The following DNAH6 variants were observed in gnomAD, a reference collection of about 807,000 sequenced individuals.
DNAH6 encodes the protein axonemal beta dynein heavy chain 6.
A neutral mutation model predicts 491.4 loss-of-function variants in DNAH6; 340 were observed. That is an observed-to-expected ratio of 0.69 (90% CI 0.63 to 0.76). DNAH6 has a LOEUF of 0.76. Ranked by LOEUF, DNAH6 falls within the 30% of genes least tolerant of loss-of-function variation. The pLI, the probability that DNAH6 is intolerant of heterozygous loss-of-function variation, is 0.00. For missense variants in DNAH6, 4,443 were observed against 4,972.2 expected, an observed-to-expected ratio of 0.89 and a Z score of 3.20; for synonymous variants, 1,603 against 1,686.1, an observed-to-expected ratio of 0.95 and a Z score of 1.21.
chr2:84,465,755 G>T, the DNAH6 span, among the ~76,000 whole-genome samples: 1 of 152,160 alleles, frequency 6.6e-6, no homozygotes, highest in African/African-American at 2.4e-5. Context: ...TTTCTTCTGA[G>T]TAGCAGTCAG....
chr2:84,658,877 C>T, intron 36 of DNAH6, 149 bp from the exon 37 acceptor site: 1 of 487,530 alleles, frequency 2.1e-6, no homozygotes, highest in Non-Finnish European at 3.5e-6. Flanking sequence ...ACTCTGTGAA[C>T]CATTGAGTGA....
intron 33 of DNAH6, among the ~76,000 whole-genome samples, chr2:84,645,113 C>T (rs539233244): frequency 2.8e-4 from 43 of 151,908 alleles, no homozygotes; most frequent in Admixed American, 4.6e-4. Context: ...TGTTTTTTTT[C>T]GACTTTTTAG....
chr2:84,670,408 A>T lies in DNAH6; in HGVS notation c.6387A>T (p.Gln2129His). The change falls in exon 39 of 77, where the codon CAA becomes CAT. Residue 2129 changes from glutamine to histidine, a missense_variant. This residue lies in a region of DNAH6 where 2,977 missense variants were observed against 3,296.6 expected (regional missense o/e 0.90). Transcript: ENST00000389394. ...YVPVYLNFSAQTSSARTQEII... is the reference protein window; with the variant it reads ...YVPVYLNFSAHTSSARTQEII... ...CTGTTTATCTAAATTTTTCTGCTCAAACTTCATCTGCAAGGACACAAGAGA... is the reference window on the plus strand; with the variant it reads ...CTGTTTATCTAAATTTTTCTGCTCATACTTCATCTGCAAGGACACAAGAGA... 1 of 1,547,938 alleles carries T rather than the reference A, an allele frequency of 6.5e-7. No individual in the cohort carries two copies. The highest frequency in any genetic ancestry group is 8.7e-7 in the Non-Finnish European group (1 of 1,144,828).
At chr2:84,810,220 C>T (rs1245766153) in intron 72 of DNAH6, among the ~76,000 whole-genome samples, 3 of 152,154 alleles carry the variant, frequency 2.0e-5, no homozygotes, top group Non-Finnish European at 2.9e-5. Flanking sequence ...GTAATTTCCC[C>T]CCTATGAGTA....
intron 20 of DNAH6, 88 bp downstream of exon 20, chr2:84,605,680 T>G: frequency 1.2e-6 from 1 of 838,640 alleles, no homozygotes; most frequent in Middle Eastern, 2.3e-4. Context: ...GATGAGGGAA[T>G]AAAACATGAG....
chr2:84,682,816 C>T (rs1373151092), intron 42 of DNAH6, among the ~76,000 whole-genome samples: 3 of 152,178 alleles, frequency 2.0e-5, no homozygotes, highest in Admixed American at 6.5e-5. Flanking sequence ...TCTGATTATC[C>T]GTTTACCCTG....
chr2:84,772,845 A>G (rs1675762890), intron 64 of DNAH6, among the ~76,000 whole-genome samples: 1 of 152,068 alleles, frequency 6.6e-6, no homozygotes, highest in South Asian at 2.1e-4. Context: ...CAGAATAAAC[A>G]TTCTTCTCAA....
intron 59 of DNAH6, among the ~76,000 whole-genome samples, chr2:84,719,897 CAG>C (rs1224321334): frequency 1.6e-3 from 230 of 139,858 alleles, no homozygotes; most frequent in African/African-American, 5.9e-3. Flanking sequence ...CACACACACA[CAG>C]ACACACACAC....
chr2:84,617,051 T>A, intron 23 of DNAH6, 69 bp downstream of exon 23: 1 of 846,416 alleles, frequency 1.2e-6, no homozygotes, highest in Non-Finnish European at 1.8e-6. Context: ...AGGTTATAAT[T>A]ATAACCTCAA....
At chr2:84,619,399 C>T (rs1239629661) in intron 23 of DNAH6, among the ~76,000 whole-genome samples, 1 of 152,188 alleles carries the variant, frequency 6.6e-6, no homozygotes, top group South Asian at 2.1e-4. Flanking sequence ...GATATGTGAA[C>T]ACATCAGTTT....
intron 62 of DNAH6, among the ~76,000 whole-genome samples, chr2:84,741,977 G>A (rs1370020877): frequency 6.6e-6 from 1 of 152,224 alleles, no homozygotes; most frequent in Admixed American, 6.5e-5. Flanking sequence ...TCCCAGCCCA[G>A]TCAGTTCCTG....
rs962325293 is a variant in DNAH6 at position 84,797,518 on chromosome 2, T to G, written c.11360-19T>G. The G allele has an allele frequency of 3.9e-6, 6 of 1,548,006 alleles. No homozygotes were observed. The highest frequency in any genetic ancestry group is 4.0e-5 in the Admixed American group (2 of 50,340). On this transcript the variant is annotated intron_variant, in intron 69 of 76. Coordinates refer to ENST00000389394, the MANE Select transcript of DNAH6 (RefSeq NM_001370.2). ...CAGTCTATTTGAGACATATTTGTCT[T>G]CTGTGTTTTTAATAACAGGCATCTA...
In DNAH6 at chr2:84,625,151, T is replaced by C. The variant is rs1687743635; in HGVS notation, c.4515+88T>C. ...ATGACATAACAAAATAAGGCAAGAA[T>C]GGAGTGATGACAAGCAAGAGAAAAG... On this transcript the variant is annotated intron_variant, in intron 29 of 76. Transcript: ENST00000389394. 3.3e-6 allele frequency: 4 copies of C among 1,213,076 alleles called. No homozygotes were observed. In the African/African-American group the frequency reaches 6.3e-5, roughly 19 times the overall value. 75.1% of individuals were successfully genotyped at this position (1,213,076 alleles called of 1,614,324 possible). A position where few individuals can be genotyped will look rare whatever the true frequency, so the allele number is the denominator to read the frequency against.
chr2:84,547,335 A>T lies in DNAH6; in HGVS notation c.998A>T (p.Tyr333Phe). The change falls in exon 6 of 77, where the codon TAT becomes TTT. Residue 333 changes from tyrosine (Y) to phenylalanine (F), a missense_variant. Physicochemically the swap from Tyr to Phe is conservative, Grantham distance 22. Coordinates refer to ENST00000389394, the MANE Select transcript of DNAH6 (RefSeq NM_001370.2). ...CATTTGAGTTTTATGGGACTTTGTTATATTGAAAAGTGTCACACCTACACC... is the reference window on the plus strand; with the variant it reads ...CATTTGAGTTTTATGGGACTTTGTTTTATTGAAAAGTGTCACACCTACACC... ...CYHLSFMGLC[Y>F]IEKCHTYTLQ... is the part of the protein sequence containing the mutation. 6.4e-7 allele frequency: 1 copy of T among 1,551,508 alleles called. No homozygotes were observed. Among genetic ancestry groups the T allele is most frequent in the Non-Finnish European group, 8.7e-7 (1 of 1,146,870 alleles).
chr2:84,578,438 A>C (rs1440419902), intron 13 of DNAH6, among the ~76,000 whole-genome samples: 15 of 152,164 alleles, frequency 9.9e-5, no homozygotes, highest in Non-Finnish European at 1.5e-5. Flanking sequence ...AGTTATTGGC[A>C]TATGTATCTA....
chr2:84,580,558 G>A (rs1371602561), intron 14 of DNAH6, among the ~76,000 whole-genome samples: 1 of 152,034 alleles, frequency 6.6e-6, no homozygotes, highest in Non-Finnish European at 1.5e-5. Flanking sequence ...TAAACTGAAT[G>A]TTATATATTA....
intron 44 of DNAH6, 135 bp from the exon 45 acceptor site, chr2:84,688,304 A>G: frequency 1.6e-6 from 1 of 621,974 alleles, no homozygotes; most frequent in South Asian, 3.0e-5. Context: ...CCTATTTCTG[A>G]GCTCCTATGT....
At chr2:84,770,955 A>G (rs1559021909) in intron 64 of DNAH6, among the ~76,000 whole-genome samples, 1 of 151,580 alleles carries the variant, frequency 6.6e-6, no homozygotes, top group Non-Finnish European at 1.5e-5. Flanking sequence ...ATGCCACTGC[A>G]CTGTAGCCTA....
intron 33 of DNAH6, among the ~76,000 whole-genome samples, chr2:84,643,649 A>G (rs1018573838): frequency 6.6e-6 from 1 of 152,120 alleles, no homozygotes; most frequent in Non-Finnish European, 1.5e-5. Flanking sequence ...TGTCCAATCT[A>G]CTAATAAGCC....
Sources: allele counts gnomAD v4.1 joint callset (sites outside exome capture counted in the v4.1 genomes callset), GRCh38; gene constraint gnomAD v4.1.1; regional missense constraint gnomAD v4.1.1; transcripts MANE v1.5; gene names NCBI Gene and HGNC (gene_info 2026-07-23, HGNC 2026-07-21).